Variants in PALM2AKAP2 observed in about 807,000 individuals in gnomAD.
The protein encoded by PALM2AKAP2 is PALM2 and AKAP2 fusion.
PALM2AKAP2 carries 37 observed loss-of-function variants against 71.5 expected under a neutral mutation model. That is an observed-to-expected ratio of 0.52 (90% CI 0.40 to 0.68). PALM2AKAP2 has a LOEUF of 0.68. Ranked by LOEUF, PALM2AKAP2 falls within the 30% of genes least tolerant of loss-of-function variation. The probability of loss-of-function intolerance (pLI) is 0.00; values close to 1 mark genes in which losing one functional copy is unlikely to be tolerated. For missense variants in PALM2AKAP2, 1,224 were observed against 1,191.8 expected (o/e 1.03, Z -0.40); for synonymous variants, 468 against 478.8 (o/e 0.98, Z 0.29).
chr9:109,775,586 CA>C (rs1829338329), upstream of PALM2AKAP2, among the ~76,000 whole-genome samples: 3 of 152,324 alleles, frequency 2.0e-5, no homozygotes, highest in South Asian at 6.2e-4. Flanking sequence ...CATTTATTTT[CA>C]AAAGATCCCA....
At chr9:110,085,137 TG>T (rs1834540018) in intron 1 of PALM2AKAP2, among the ~76,000 whole-genome samples, 1 of 152,188 alleles carries the variant, frequency 6.6e-6, no homozygotes, top group Admixed American at 6.5e-5. Flanking sequence ...TACTTACTCT[TG>T]GGAGGAAAAA....
chr9:110,054,198 G>A (rs1026168827), intron 1 of PALM2AKAP2, among the ~76,000 whole-genome samples: 1 of 152,200 alleles, frequency 6.6e-6, no homozygotes, highest in Non-Finnish European at 1.5e-5. Context: ...TCGGGAGTTC[G>A]AGACCAACCT....
intron 1 of PALM2AKAP2, among the ~76,000 whole-genome samples, chr9:110,081,702 G>A (rs1459606675): frequency 6.6e-6 from 1 of 152,094 alleles, no homozygotes; most frequent in African/African-American, 2.4e-5. Flanking sequence ...TCCAGCCCAA[G>A]CGACAGGAAA....
chr9:110,062,882 A>G (rs966102134), intron 1 of PALM2AKAP2, among the ~76,000 whole-genome samples: 1 of 152,182 alleles, frequency 6.6e-6, no homozygotes, highest in Admixed American at 6.5e-5. Flanking sequence ...TAAGATGGCT[A>G]CAAGATGAAA....
intron 1 of PALM2AKAP2, among the ~76,000 whole-genome samples, chr9:110,079,867 C>T (rs544387891): frequency 4.6e-5 from 7 of 151,638 alleles, no homozygotes; most frequent in African/African-American, 4.8e-5. Flanking sequence ...GTCAGGAGTT[C>T]GAGACCAGCC....
At chr9:110,024,594 G>A (rs574554370) in intron 7 of PALM2AKAP2, among the ~76,000 whole-genome samples, 7 of 152,110 alleles carry the variant, frequency 4.6e-5, no homozygotes, top group Non-Finnish European at 1.0e-4. Flanking sequence ...GACCAGCCTG[G>A]ACAACATGGT....
intron 5 of PALM2AKAP2, among the ~76,000 whole-genome samples, chr9:109,927,907 C>A (rs901096818): frequency 3.9e-5 from 6 of 152,152 alleles, no homozygotes; most frequent in Non-Finnish European, 5.9e-5. Flanking sequence ...GGAGCTGATG[C>A]AAAACTCTTG....
At chr9:109,700,210 C>T (rs1828032298) in intron 1 of PALM2AKAP2, among the ~76,000 whole-genome samples, 1 of 152,116 alleles carries the variant, frequency 6.6e-6, no homozygotes, top group African/African-American at 2.4e-5. Flanking sequence ...CCCATAATCC[C>T]CACGTGTCAT....
intron 1 of PALM2AKAP2, among the ~76,000 whole-genome samples, chr9:109,768,646 C>T (rs1293564801): frequency 1.3e-5 from 2 of 152,212 alleles, no homozygotes; most frequent in African/African-American, 4.8e-5. Flanking sequence ...GATATTATTA[C>T]ATCTGCCACT....
At chr9:109,701,054 G>A (rs1828047441) in intron 1 of PALM2AKAP2, among the ~76,000 whole-genome samples, 1 of 152,156 alleles carries the variant, frequency 6.6e-6, no homozygotes, top group African/African-American at 2.4e-5. Flanking sequence ...AGAATATTTT[G>A]TATTAAGTAT....
chr9:110,073,630 G>C (rs1834256984), intron 1 of PALM2AKAP2, among the ~76,000 whole-genome samples: 1 of 152,130 alleles, frequency 6.6e-6, no homozygotes, highest in African/African-American at 2.4e-5. Context: ...GGAATTAAAG[G>C]TTGCACATCT....
chr9:109,864,805 C>T (rs1260694912), intron 1 of PALM2AKAP2, among the ~76,000 whole-genome samples: 1 of 152,130 alleles, frequency 6.6e-6, no homozygotes, highest in Non-Finnish European at 1.5e-5. Flanking sequence ...TGTATGAATG[C>T]CAGATTAATG....
chr9:109,715,945 A>G (rs1828313550), intron 1 of PALM2AKAP2, among the ~76,000 whole-genome samples: 1 of 152,112 alleles, frequency 6.6e-6, no homozygotes, highest in African/African-American at 2.4e-5. Context: ...TTCGTATGCC[A>G]TTAGACCTGG....
intron 1 of PALM2AKAP2, among the ~76,000 whole-genome samples, chr9:109,799,022 GGATCCCCTT>G (rs1827343909): frequency 6.6e-6 from 1 of 152,164 alleles, no homozygotes; most frequent in Non-Finnish European, 1.5e-5. Flanking sequence ...AAAGACTCAC[GGATCCCCTT>G]GCTGTGCTCT....
intron 1 of PALM2AKAP2, among the ~76,000 whole-genome samples, chr9:109,838,154 G>C (rs1828536503): frequency 1.3e-5 from 2 of 152,184 alleles, no homozygotes; most frequent in African/African-American, 4.8e-5. Flanking sequence ...AAATGTAAAA[G>C]AATAGAAATT....
upstream of PALM2AKAP2, among the ~76,000 whole-genome samples, chr9:109,777,120 A>G (rs1829359490): frequency 1.3e-5 from 2 of 152,152 alleles, no homozygotes; most frequent in Admixed American, 1.3e-4. Context: ...TGAAGCCCCA[A>G]CCCTACGCCA....
chr9:109,737,201 C>T (rs1225212266), intron 1 of PALM2AKAP2, among the ~76,000 whole-genome samples: 2 of 152,200 alleles, frequency 1.3e-5, no homozygotes, highest in Non-Finnish European at 2.9e-5. Context: ...GCTATGATTA[C>T]AGTGGCTTCC....
chr9:110,152,441 C>G (rs538303950), intron 2 of PALM2AKAP2, among the ~76,000 whole-genome samples: 36 of 152,162 alleles, frequency 2.4e-4, no homozygotes, highest in African/African-American at 8.4e-4. Context: ...GTGAGATGCA[C>G]ACTGGATCAG....
At chr9:109,730,175 G>A (rs527747244) in intron 1 of PALM2AKAP2, among the ~76,000 whole-genome samples, 1 of 152,188 alleles carries the variant, frequency 6.6e-6, no homozygotes, top group African/African-American at 2.4e-5. Flanking sequence ...GAAACAGAAT[G>A]CACAAGGGAA....
Sources: gnomAD v4.1 joint callset for allele counts (sites outside exome capture counted in the v4.1 genomes callset) on GRCh38, gnomAD v4.1.1 for gene constraint, MANE v1.5 for transcripts, NCBI Gene and HGNC (gene_info 2026-07-23, HGNC 2026-07-21) for gene names.